The following QARS1 variants were observed in gnomAD, a reference collection of about 807,000 sequenced individuals.
The protein encoded by QARS1 is glutamine--tRNA ligase.
A neutral mutation model predicts 106.9 loss-of-function variants in QARS1; 79 were observed. That is an observed-to-expected ratio of 0.74 (90% CI 0.62 to 0.89). QARS1 has a LOEUF of 0.89. Ranked by LOEUF, QARS1 falls within the 40% of genes least tolerant of loss-of-function variation. The pLI is 0.00. For synonymous variants in QARS1, 395 were observed against 367.7 expected, an observed-to-expected ratio of 1.07 and a Z score of -0.85; for missense variants, 966 against 997.2, an observed-to-expected ratio of 0.97 and a Z score of 0.42.
At chr3:49,096,106 C>T (rs1208694356) in intron 23 of QARS1, 27 bp from the exon 24 acceptor site, 1 of 1,612,658 alleles carries the variant, frequency 6.2e-7, no homozygotes, top group East Asian at 2.2e-5. Flanking sequence ...AAAGGATGAC[C>T]ACCAACCCAG....
chr3:49,101,583 T>C (rs759873098), intron 9 of QARS1, 37 bp downstream of exon 9: 1 of 1,610,906 alleles, frequency 6.2e-7, no homozygotes, highest in Admixed American at 1.7e-5. Flanking sequence ...GGCAGGTGTT[T>C]GATGGCACAA....
rs777116688 is a variant in QARS1 at position 49,100,221 on chromosome 3, C to T, written c.1133G>A (p.Arg378His). 1.3e-5 allele frequency: 21 copies of T among 1,614,124 alleles called. No individual in the cohort carries two copies. Among genetic ancestry groups the T allele is most frequent in the South Asian group, 7.7e-5 (7 of 91,096 alleles). Residue 378 changes from arginine to histidine, a missense_variant, in exon 13 of 24, where the codon CGT (arginine) becomes CAT (histidine). Arg to His is a conservative substitution (Grantham distance 29). Coordinates refer to ENST00000306125, the MANE Select transcript of QARS1 (RefSeq NM_005051.3). The part of the protein sequence containing the change: ...HNTLPSPWRD[R>H]PMEESLLLFE... ...GAGCAGCAGTGACTCCTCCATGGGA[C>T]GGTCTCTCCAGGGTGAAGGCAGAGT...
rs749254902 is a variant in QARS1, at chr3:49,099,195, C to T, written c.1673G>A (p.Arg558His). The change falls in exon 18 of 24, where the codon CGT becomes CAT. Residue 558 changes from arginine (R) to histidine (H), a missense_variant. By Grantham distance (29) the Arg-to-His change is conservative (BLOSUM62 0). Transcript: ENST00000306125. ...TGGGGCTGTGTCATTCAGCACATCACGCACACAGGCTTCTAGAAGATGTGG... is the reference window on the plus strand; with the variant it reads ...TGGGGCTGTGTCATTCAGCACATCATGCACACAGGCTTCTAGAAGATGTGG... The part of the protein sequence containing the change: ...MEPHLLEACV[R>H]DVLNDTAPRA... The T allele has an allele frequency of 1.4e-5, 23 of 1,614,078 alleles. 1 individual carries two copies. Among genetic ancestry groups the T allele is most frequent in the South Asian group, 1.3e-4 (12 of 91,092 alleles).
chr3:49,100,459 C>T lies in QARS1; in HGVS notation c.977-1G>A, dbSNP rs2042454886. 6.2e-7 allele frequency: 1 copy of T among 1,614,052 alleles called. No homozygotes were observed. Among genetic ancestry groups the T allele is most frequent in the South Asian group, 1.1e-5 (1 of 91,090 alleles). On this transcript the variant is annotated splice_acceptor_variant, in intron 11 of 23. Transcript: ENST00000306125. LOFTEE classifies it high-confidence loss of function. ...TATGTGACTTTGTAAGGTGTGTAGC[C>T]TGGGGCAAAATGAAACAAAGTATGA...
At chr3:49,099,937 C>A (rs772022736) in intron 14 of QARS1, 24 bp downstream of exon 14, 3 of 1,613,826 alleles carry the variant, frequency 1.9e-6, no homozygotes, top group South Asian at 1.1e-5. Context: ...GCAGCCCCAC[C>A]ACCCCACCCC....
At chr3:49,104,099 C>G in intron 2 of QARS1, 127 bp from the exon 3 acceptor site, 1 of 1,115,168 alleles carries the variant, frequency 9.0e-7, no homozygotes, top group Non-Finnish European at 1.3e-6. Flanking sequence ...CACCACCACC[C>G]TAGAGAACAC....
At chr3:49,097,507 A>T (rs1056297628) in intron 23 of QARS1, among the ~76,000 whole-genome samples, 5 of 151,526 alleles carry the variant, frequency 3.3e-5, no homozygotes, top group African/African-American at 1.2e-4. Context: ...AATTAAAAAA[A>T]AAAAAGAGGT....
Position 49,103,232 on chromosome 3 carries a change from A to G in QARS1, c.516+113T>C, listed in dbSNP as rs187028502. 1.6e-3 allele frequency: 1,881 copies of G among 1,142,520 alleles called. 5 individuals are homozygous for G. Among genetic ancestry groups the G allele is most frequent in the Admixed American group, 3.3e-3 (194 of 58,616 alleles). The allele number at this position is 1,142,520 out of a possible 1,614,324, so 70.8% of individuals were successfully genotyped here. ...CTCAGCCTCCCAAAGTGCTGGGATCAGAAGCGTGAGCCACCATGCCCAGCC... is the reference window on the plus strand; with the variant it reads ...CTCAGCCTCCCAAAGTGCTGGGATCGGAAGCGTGAGCCACCATGCCCAGCC... On this transcript the variant is annotated intron_variant, in intron 5 of 23. Coordinates refer to ENST00000306125, the MANE Select transcript of QARS1 (RefSeq NM_005051.3).
At chr3:49,101,002 G>A (rs529642197) in intron 10 of QARS1, among the ~76,000 whole-genome samples, 14 of 152,068 alleles carry the variant, frequency 9.2e-5, no homozygotes, top group African/African-American at 1.2e-4. Flanking sequence ...TTAGCCTCCC[G>A]AAGTGTTGAG....
chr3:49,099,744 G>A lies in QARS1; in HGVS notation c.1388+17C>T, dbSNP rs1553751829. ...AATTCCACTGGCCCTACCACCCCAT[G>A]GACCCAGCTCCCTCACCGGGCCTGG... is the stretch of plus-strand genomic sequence containing the variant. On this transcript the variant is annotated intron_variant, in intron 15 of 23. Transcript: ENST00000306125. The A allele has an allele frequency of 6.2e-7, 1 of 1,613,716 alleles. No individual in the cohort carries two copies. The highest frequency in any genetic ancestry group is 2.2e-5 in the East Asian group (1 of 44,882).
At position 49,102,708 on chromosome 3, in the gene QARS1, C is replaced by G. The variant is rs1176554394; in HGVS notation, c.517-236G>C. ...CCAGGCTGGAATGCAATGGCACAGTCTCCGCTCACTGCAACCTCCGCCTCC... is the reference window on the plus strand; with the variant it reads ...CCAGGCTGGAATGCAATGGCACAGTGTCCGCTCACTGCAACCTCCGCCTCC... On this transcript the variant is annotated intron_variant, in intron 5 of 23. Coordinates refer to ENST00000306125, the MANE Select transcript of QARS1 (RefSeq NM_005051.3). The G allele has an allele frequency of 5.0e-6, 3 of 601,954 alleles. No homozygotes were observed. The Admixed American group carries it at 6.8e-5, about 14-fold the overall frequency. The allele number at this position is 601,954 out of a possible 1,614,324, so 37.3% of individuals were successfully genotyped here. A position where few individuals can be genotyped will look rare whatever the true frequency, so the allele number is the denominator to read the frequency against.
rs1394908029 is a variant in QARS1, at chr3:49,101,876, A to G, written c.655T>C (p.Ser219Pro). ...ENGETADQTL[S>P]LMEQLRGEAL... ...TCCCCCCGGAGCTGCTCCATCAGAGACAGGGTCTGGTCAGCAGTCTCGCCT... is the reference window on the plus strand; with the variant it reads ...TCCCCCCGGAGCTGCTCCATCAGAGGCAGGGTCTGGTCAGCAGTCTCGCCT... Residue 219 changes from serine (S) to proline (P), a missense_variant, in exon 8 of 24, where the codon TCT (serine) becomes CCT (proline). Physicochemically the swap from Ser to Pro is moderately conservative, Grantham distance 74. Coordinates refer to ENST00000306125, the MANE Select transcript of QARS1 (RefSeq NM_005051.3). 1 of 1,612,360 alleles carries G rather than the reference A, an allele frequency of 6.2e-7. No individual in the cohort carries two copies. The highest frequency in any genetic ancestry group is 2.2e-5 in the East Asian group (1 of 44,816).
chr3:49,100,324 A>G (rs745361620), intron 12 of QARS1, 26 bp from the exon 13 acceptor site: 5 of 1,614,096 alleles, frequency 3.1e-6, no homozygotes, highest in Non-Finnish European at 4.2e-6. Flanking sequence ...GTGAGTGCCC[A>G]GCATGGCTGT....
At chr3:49,103,274 T>C (rs1393405030) in intron 5 of QARS1, 71 bp downstream of exon 5, 1 of 1,522,470 alleles carries the variant, frequency 6.6e-7, no homozygotes, top group African/African-American at 1.4e-5. Flanking sequence ...CTGCCTTTTA[T>C]CCCTTAGTGG....
At chr3:49,096,992 GAA>G (rs113207346) in intron 23 of QARS1, 3 of 84,052 alleles carry the variant, frequency 3.6e-5, no homozygotes, top group Non-Finnish European at 2.5e-5. Context: ...TTCAAAAAAA[GAA>G]AAAAAAAAAA....
In QARS1 at chr3:49,100,189, C is replaced by G. The variant is rs1262558494; in HGVS notation, c.1164+1G>C. 6.2e-7 allele frequency: 1 copy of G among 1,614,112 alleles called. No individual in the cohort carries two copies. Among genetic ancestry groups the G allele is most frequent in the African/African-American group, 1.3e-5 (1 of 74,936 alleles). On this transcript the variant is annotated splice_donor_variant, in intron 13 of 23. Transcript: ENST00000306125. LOFTEE classifies it high-confidence loss of function. ...ACCCAGATGCTCCTCTAGGACCCCACCTCAAAGAGCAGCAGTGACTCCTCC... is the reference window on the plus strand; with the variant it reads ...ACCCAGATGCTCCTCTAGGACCCCAGCTCAAAGAGCAGCAGTGACTCCTCC...
intron 18 of QARS1, 49 bp downstream of exon 18, chr3:49,099,061 A>C: frequency 6.2e-7 from 1 of 1,613,602 alleles, no homozygotes; most frequent in Non-Finnish European, 8.5e-7. Flanking sequence ...AGCCAAGTGT[A>C]CCCCCAGCTA....
In QARS1 at chr3:49,101,600, A is replaced by G. The variant is rs1220130688; in HGVS notation, c.789+20T>C. The G allele has an allele frequency of 1.2e-6, 2 of 1,612,804 alleles. No individual in the cohort carries two copies. Among genetic ancestry groups the G allele is most frequent in the East Asian group, 2.2e-5 (1 of 44,894 alleles). On this transcript the variant is annotated intron_variant, in intron 9 of 23. Coordinates refer to ENST00000306125, the MANE Select transcript of QARS1 (RefSeq NM_005051.3). ...CAGGTGTTTGATGGCACAAGCTCAC[A>G]TGGCCACATCCCCACACACCTGCCC...
Position 49,099,367 on chromosome 3 carries a change from C to T in QARS1, c.1591G>A (p.Ala531Thr), listed in dbSNP as rs769641391. The T allele has an allele frequency of 3.1e-6, 5 of 1,614,178 alleles. No individual in the cohort carries two copies. In the African/African-American group the frequency reaches 4.0e-5, roughly 13 times the overall value. The change falls in exon 17 of 24, where the codon GCC becomes ACC. Residue 531 changes from alanine to threonine, a missense_variant. Ala to Thr is a moderately conservative substitution (Grantham distance 58, BLOSUM62 0). Coordinates refer to ENST00000306125, the MANE Select transcript of QARS1 (RefSeq NM_005051.3). Reference sequence around the variant, plus strand: ...ACCCGGGCACAGAAGTTGTTGATGGCCTCAGGTGGGAAGCCCCGCCGTCGC... The same window carrying T: ...ACCCGGGCACAGAAGTTGTTGATGGTCTCAGGTGGGAAGCCCCGCCGTCGC... The part of the protein sequence containing the change: ...ALRRRGFPPE[A>T]INNFCARVGV...
Sources: gnomAD v4.1 joint callset for allele counts (sites outside exome capture counted in the v4.1 genomes callset) on GRCh38, gnomAD v4.1.1 for gene constraint, MANE v1.5 for transcripts, NCBI Gene and HGNC (gene_info 2026-07-23, HGNC 2026-07-21) for gene names.